The following ERBB4 variants were observed in gnomAD, a reference collection of about 807,000 sequenced individuals.
ERBB4 encodes receptor tyrosine-protein kinase erbB-4.
A neutral mutation model predicts 158.0 loss-of-function variants in ERBB4; 42 were observed. The ratio of observed to expected loss-of-function variants is 0.27; its 90% CI spans 0.21 to 0.34. The LOEUF is 0.34. Among genes scored for constraint, ERBB4 ranks in the 10% least tolerant of loss-of-function variants. The pLI is 1.00. For synonymous variants in ERBB4, 583 were observed against 558.7 expected, an observed-to-expected ratio of 1.04 and a Z score of -0.61; for missense variants, 1,333 against 1,624.1, an observed-to-expected ratio of 0.82 and a Z score of 3.08.
At chr2:212,161,771 C>T (rs1330775135) in intron 1 of ERBB4, among the ~76,000 whole-genome samples, 3 of 151,838 alleles carry the variant, frequency 2.0e-5, no homozygotes, top group African/African-American at 7.2e-5. Flanking sequence ...ATTCAAAATA[C>T]ATGAACAAAA....
At chr2:212,331,737 A>G (rs949602449) in intron 1 of ERBB4, among the ~76,000 whole-genome samples, 2 of 152,046 alleles carry the variant, frequency 1.3e-5, no homozygotes, top group African/African-American at 4.8e-5. Context: ...TTAAATACAA[A>G]TCTTCTTTTG....
intron 2 of ERBB4, among the ~76,000 whole-genome samples, chr2:212,011,634 A>C (rs962451438): frequency 1.3e-5 from 2 of 151,944 alleles, no homozygotes; most frequent in Non-Finnish European, 2.9e-5. Flanking sequence ...TCTGTAATCC[A>C]AGCCACTCAG....
At chr2:211,986,442 T>C (rs1300358226) in intron 2 of ERBB4, among the ~76,000 whole-genome samples, 1 of 152,192 alleles carries the variant, frequency 6.6e-6, no homozygotes, top group African/African-American at 2.4e-5. Context: ...GAATCTGTTG[T>C]CCATGAGGCA....
Position 211,847,244 on chromosome 2 carries a change from T to C in ERBB4, c.422-59085A>G, listed in dbSNP as rs368198529. ...AAATAATTAAATTTCACTTTTCAAT[T>C]CCAATGTTTCCACATTAGATGAAAA... On this transcript the variant is annotated intron_variant, in intron 3 of 27. Transcript: ENST00000342788. Among the ~76,000 whole-genome samples, 93 of 150,076 alleles carry C rather than the reference T, an allele frequency of 6.2e-4. 2 individuals carry two copies. In the South Asian group the frequency reaches 0.019, roughly 31 times the overall value.
rs535201891 is a variant in ERBB4 at position 212,324,290 on chromosome 2, T to A, written c.83-199387A>T. On this transcript the variant is annotated intron_variant, in intron 1 of 27. Coordinates refer to ENST00000342788, the MANE Select transcript of ERBB4 (RefSeq NM_005235.3). ...TTAAATAAGAAATTACCTTTACACA[T>A]CCTTGAAGTCTCAGTTCAGACATTC... Among the ~76,000 whole-genome samples the A allele has an allele frequency of 3.6e-4, 54 of 150,674 alleles. 3 individuals carry two copies. The South Asian group carries it at 0.01, about 29-fold the overall frequency.
rs112442430 is a variant in ERBB4, at chr2:211,955,892, C to T, written c.235-8276G>A. Among the ~76,000 whole-genome samples the T allele has an allele frequency of 9.6e-3, 1,467 of 152,100 alleles. 21 individuals are homozygous for T. Among genetic ancestry groups the T allele is most frequent in the African/African-American group, 0.034 (1,393 of 41,516 alleles). ...ATAAACTCTGCTAAATTTAATTTGT[C>T]TAAAGTTTTTCTTTTAACAGATTAC... On this transcript the variant is annotated intron_variant, in intron 2 of 27. Coordinates refer to ENST00000342788, the MANE Select transcript of ERBB4 (RefSeq NM_005235.3).
chr2:212,286,594 C>CTTGTTTTTTTTTTTGTTTTTTTTTTT (rs760466245), intron 1 of ERBB4, among the ~76,000 whole-genome samples: 1 of 55,540 alleles, frequency 1.8e-5, no homozygotes, highest in Non-Finnish European at 3.6e-5. Flanking sequence ...TAAGTGCTGA[C>CTTGTTTTTTTTTTTGTTTTTTTTTTT]TTTTTTTTTT....
At chr2:211,836,532 TA>T (rs2077346124) in intron 3 of ERBB4, among the ~76,000 whole-genome samples, 1 of 152,068 alleles carries the variant, frequency 6.6e-6, no homozygotes, top group South Asian at 2.1e-4. Context: ...CTCTGCTTAG[TA>T]CATACCAAAC....
At chr2:212,087,802 A>AT (rs1352074767) in intron 2 of ERBB4, among the ~76,000 whole-genome samples, 1 of 152,114 alleles carries the variant, frequency 6.6e-6, no homozygotes, top group Admixed American at 6.6e-5. Flanking sequence ...TTATAGATAC[A>AT]TTTTAAAAGC....
chr2:212,198,733 C>CTTTTTTTTTTTTTTTTTTT (rs11448093), intron 1 of ERBB4, among the ~76,000 whole-genome samples: 2 of 96,428 alleles, frequency 2.1e-5, no homozygotes, highest in African/African-American at 4.6e-5. Context: ...TCACCACGCC[C>CTTTTTTTTTTTTTTTTTTT]TTTTTTTTTT....
chr2:211,755,941 TC>T (rs2075278589), intron 4 of ERBB4, among the ~76,000 whole-genome samples: 1 of 152,274 alleles, frequency 6.6e-6, no homozygotes, highest in South Asian at 2.1e-4. Context: ...CCTGGATTTT[TC>T]TTTTACTCCT....
intron 1 of ERBB4, among the ~76,000 whole-genome samples, chr2:212,384,434 G>C (rs2090607656): frequency 1.3e-5 from 2 of 151,416 alleles, no homozygotes; most frequent in Admixed American, 1.3e-4. Flanking sequence ...AAGAAAAGGG[G>C]CTCTTTGGCT....
At chr2:212,527,482 A>C (rs1409329000) in intron 1 of ERBB4, among the ~76,000 whole-genome samples, 2 of 152,026 alleles carry the variant, frequency 1.3e-5, no homozygotes, top group Non-Finnish European at 2.9e-5. Context: ...TGACACCCAA[A>C]ATTCACAGTT....
chr2:211,738,642 G>A (rs950626846), intron 5 of ERBB4, among the ~76,000 whole-genome samples: 10 of 151,306 alleles, frequency 6.6e-5, no homozygotes, highest in South Asian at 2.1e-4. Flanking sequence ...AGAGTGCTGC[G>A]GTTACAGGCA....
chr2:211,660,133 G>A (rs891763446), intron 15 of ERBB4, among the ~76,000 whole-genome samples: 2 of 152,180 alleles, frequency 1.3e-5, no homozygotes, highest in African/African-American at 4.8e-5. Context: ...TAGAACATTA[G>A]GTGGGAGCCA....
chr2:211,880,884 G>T (rs1252936091), intron 3 of ERBB4, among the ~76,000 whole-genome samples: 2 of 152,204 alleles, frequency 1.3e-5, no homozygotes, highest in Non-Finnish European at 2.9e-5. Flanking sequence ...TATTCATCTT[G>T]TTTGTGCCCT....
chr2:212,291,393 T>C (rs2086200683), intron 1 of ERBB4, among the ~76,000 whole-genome samples: 1 of 152,140 alleles, frequency 6.6e-6, no homozygotes, highest in Admixed American at 6.6e-5. Flanking sequence ...CTATCATGTA[T>C]TTTAAAAAGT....
At chr2:212,500,896 A>G (rs1333599116) in intron 1 of ERBB4, among the ~76,000 whole-genome samples, 1 of 152,180 alleles carries the variant, frequency 6.6e-6, no homozygotes, top group Non-Finnish European at 1.5e-5. Context: ...TACACCTGGC[A>G]TATATTGAGA....
intron 20 of ERBB4, among the ~76,000 whole-genome samples, chr2:211,491,028 C>T (rs771477705): frequency 2.0e-5 from 3 of 151,972 alleles, no homozygotes; most frequent in South Asian, 2.1e-4. Flanking sequence ...GATCCTAATG[C>T]GATGCTGTCT....
Sources: allele counts gnomAD v4.1 joint callset (sites outside exome capture counted in the v4.1 genomes callset), GRCh38; gene constraint gnomAD v4.1.1; transcripts MANE v1.5; gene names NCBI Gene and HGNC (gene_info 2026-07-23, HGNC 2026-07-21).